The following MCM5 variants were observed in gnomAD, a reference collection of about 807,000 sequenced individuals.
MCM5 encodes DNA replication licensing factor MCM5.
Under a neutral mutation model 79.9 loss-of-function variants are expected in MCM5, and 46 were observed. The ratio of observed to expected loss-of-function variants is 0.58; its 90% CI spans 0.45 to 0.74. MCM5 has a LOEUF of 0.74. Ranked by LOEUF, MCM5 falls within the 30% of genes least tolerant of loss-of-function variation. The pLI is 0.00. For synonymous variants in MCM5, 404 were observed against 390.5 expected (o/e 1.03, Z -0.41); for missense variants, 883 against 1,017.0 (o/e 0.87, Z 1.79).
At chr22:35,441,646 GA>G in the MCM5 span, among the ~76,000 whole-genome samples, 9 of 152,254 alleles carry the variant, frequency 5.9e-5, no homozygotes, top group South Asian at 1.7e-3. Context: ...GTGAGGGATG[GA>G]AGGGCAGAGG....
chr22:35,431,463 GTAT>G, the MCM5 span, among the ~76,000 whole-genome samples: 1 of 152,132 alleles, frequency 6.6e-6, no homozygotes, highest in South Asian at 2.1e-4. Flanking sequence ...ATATACACGT[GTAT>G]TATTTTTTGT....
chr22:35,440,981 C>T, the MCM5 span, among the ~76,000 whole-genome samples: 14 of 150,870 alleles, frequency 9.3e-5, no homozygotes, highest in South Asian at 2.1e-4. Context: ...CGCTTGAACC[C>T]GGGAGGCGGA....
At chr22:35,412,058 G>A (rs896330412) in intron 7 of MCM5, among the ~76,000 whole-genome samples, 9 of 152,108 alleles carry the variant, frequency 5.9e-5, no homozygotes, top group African/African-American at 1.7e-4. Context: ...TCCAGGATCT[G>A]ACCACTTCTC....
Position 35,402,488 on chromosome 22 carries a change from G to A in MCM5, c.168-719G>A, listed in dbSNP as rs559837166. 4.7e-4 allele frequency among the ~76,000 whole-genome samples: 71 copies of A among 151,700 alleles called. 1 individual carries two copies. The South Asian group carries it at 0.012, about 25-fold the overall frequency. On this transcript the variant is annotated intron_variant, in intron 2 of 16. Coordinates refer to ENST00000216122, the MANE Select transcript of MCM5 (RefSeq NM_006739.4). ...ATTACAGGCATCCGCCACCACACCC[G>A]GCTAGGTTTTTTTTTTTGTATTTTT...
chr22:35,428,129 T>G (rs1445421436), downstream of MCM5, among the ~76,000 whole-genome samples: 1 of 151,154 alleles, frequency 6.6e-6, no homozygotes, highest in East Asian at 2.0e-4. Context: ...CAAGCGATTC[T>G]CCTGCCTCAG....
intron 4 of MCM5, among the ~76,000 whole-genome samples, chr22:35,406,306 C>G (rs4645757): frequency 0.024 from 3,470 of 142,240 alleles, 341 homozygotes; most frequent in African/African-American, 0.091. Context: ...ACCTCCCCCC[C>G]CAATTGTGCT....
In MCM5 at chr22:35,424,263, C is replaced by T. The variant is rs375136391; in HGVS notation, c.*8C>T. On this transcript the variant is annotated 3_prime_UTR_variant, in exon 17 of 17. Transcript: ENST00000216122. ...CTCTACCGCCTCAAGTGAGTCGCGC[C>T]GCCTCACTGGACTCATGGACTCGCC... The T allele has an allele frequency of 1.6e-4, 246 of 1,537,312 alleles. 3 individuals are homozygous for T. The Middle Eastern group carries it at 2.0e-3, about 13-fold the overall frequency.
At chr22:35,437,860 C>A in the MCM5 span, among the ~76,000 whole-genome samples, 1 of 152,118 alleles carries the variant, frequency 6.6e-6, no homozygotes, top group Non-Finnish European at 1.5e-5. Context: ...GATTCTGATA[C>A]CAGCCAGGTT....
downstream of MCM5, among the ~76,000 whole-genome samples, chr22:35,430,085 A>G (rs994474759): frequency 1.3e-5 from 2 of 152,162 alleles, no homozygotes; most frequent in Non-Finnish European, 2.9e-5. Flanking sequence ...GCCCATCTGG[A>G]AGAGTTGTGG....
At chr22:35,404,744 C>G (rs1054964151) in intron 4 of MCM5, among the ~76,000 whole-genome samples, 6 of 152,112 alleles carry the variant, frequency 3.9e-5, no homozygotes, top group African/African-American at 1.4e-4. Context: ...TTTGAGAGCC[C>G]CAGCAAAACT....
At chr22:35,403,911 T>A in intron 4 of MCM5, among the ~76,000 whole-genome samples, 1 of 150,596 alleles carries the variant, frequency 6.6e-6, no homozygotes, top group South Asian at 2.1e-4. Context: ...ATACCGGGAG[T>A]TTGAGACCCT....
chr22:35,425,508 A>C (rs1199976291), downstream of MCM5: 1 of 152,180 alleles, frequency 6.6e-6, no homozygotes, highest in African/African-American at 2.4e-5. Context: ...TTCTGATTCC[A>C]TACTGTTCGG....
chr22:35,436,358 C>T, the MCM5 span, among the ~76,000 whole-genome samples: 1 of 152,036 alleles, frequency 6.6e-6, no homozygotes, highest in African/African-American at 2.4e-5. Context: ...TTCCAGGCCT[C>T]GCCACTACCT....
In MCM5 at chr22:35,424,186, G is replaced by T. The variant is rs370537304; in HGVS notation, c.2136G>T (p.Leu712=). 23 of 1,552,886 alleles carry T rather than the reference G, an allele frequency of 1.5e-5. No homozygotes were observed. The African/African-American group carries it at 2.7e-4, about 18-fold the overall frequency. Residue 712 remains leucine (L), a synonymous_variant, in exon 17 of 17, where the codon CTG becomes CTT. Coordinates refer to ENST00000216122, the MANE Select transcript of MCM5 (RefSeq NM_006739.4). The part of the protein sequence containing the change: ...KYPEHAIHKV[L]QLMLRRGEIQ... ...CGGAGCACGCCATCCACAAGGTGCT[G>T]CAGCTCATGCTGCGGCGCGGCGAGA... is the stretch of plus-strand genomic sequence containing the variant.
chr22:35,407,636 T>C (rs745863706), intron 5 of MCM5, among the ~76,000 whole-genome samples: 1 of 152,202 alleles, frequency 6.6e-6, no homozygotes, highest in Non-Finnish European at 1.5e-5. Flanking sequence ...CAAGCTACCA[T>C]AGTCTGTGTC....
chr22:35,430,255 TCAG>T (rs956103078), downstream of MCM5, among the ~76,000 whole-genome samples: 3 of 152,208 alleles, frequency 2.0e-5, no homozygotes, highest in African/African-American at 7.2e-5. Flanking sequence ...TGCCCTGAGT[TCAG>T]TTTATCTTCC....
At chr22:35,425,451 A>G (rs1277705389), downstream of MCM5, 1 of 152,212 alleles carries the variant, frequency 6.6e-6, no homozygotes. Context: ...TCATTGTTGA[A>G]TCACAAATGT....
chr22:35,454,165 C>T, the MCM5 span, among the ~76,000 whole-genome samples: 2 of 152,060 alleles, frequency 1.3e-5, no homozygotes, highest in African/African-American at 4.8e-5. Context: ...TTCTGCTTCC[C>T]TCCTCCTCTC....
At position 35,419,910 on chromosome 22, in the gene MCM5, A is replaced by C. The variant is rs1932650278; in HGVS notation, c.1730A>C (p.Glu577Ala). 2 of 1,612,910 alleles carry C rather than the reference A, an allele frequency of 1.2e-6. No homozygotes were observed. Among genetic ancestry groups the C allele is most frequent in the Non-Finnish European group, 1.7e-6 (2 of 1,179,472 alleles). The change falls in exon 14 of 17, where the codon GAG becomes GCG. Residue 577 changes from glutamate to alanine, a missense_variant. By Grantham distance (107) the Glu-to-Ala change is moderately radical (BLOSUM62 -1). Around this residue, in one of 3 missense-constraint regions of MCM5, gnomAD observed 426 missense variants for 482.3 expected, o/e 0.88. Coordinates refer to ENST00000216122, the MANE Select transcript of MCM5 (RefSeq NM_006739.4). ...AAGTGTGGCCCCCGGCTGTCAGCAGAGGCTGCAGAGAAACTGAAGAACCGC... is the reference window on the plus strand; with the variant it reads ...AAGTGTGGCCCCCGGCTGTCAGCAGCGGCTGCAGAGAAACTGAAGAACCGC... The part of the protein sequence containing the change: ...RVKCGPRLSA[E>A]AAEKLKNRYI...
Sources: gnomAD v4.1 joint callset for allele counts (sites outside exome capture counted in the v4.1 genomes callset) on GRCh38, gnomAD v4.1.1 for gene constraint, gnomAD v4.1.1 regional missense constraint, MANE v1.5 for transcripts, NCBI Gene and HGNC (gene_info 2026-07-23, HGNC 2026-07-21) for gene names.